Variants in PTPRJ observed in about 807,000 individuals in gnomAD.
PTPRJ encodes the protein receptor-type tyrosine-protein phosphatase eta.
In PTPRJ, 129 loss-of-function variants were observed where a neutral mutation model predicts 141.3. The observed-to-expected ratio is 0.91, with a 90% CI of 0.79 to 1.06. The LOEUF (loss-of-function observed/expected upper bound fraction) is 1.06. PTPRJ is among the 50% of genes least tolerant of loss of function. PTPRJ has a pLI of 0.00. For missense variants in PTPRJ, 1,601 were observed against 1,679.7 expected (o/e 0.95, Z 0.82); for synonymous variants, 610 against 640.5 (o/e 0.95, Z 0.72).
chr11:48,104,897 T>C (rs1193690637), intron 1 of PTPRJ, among the ~76,000 whole-genome samples: 1 of 152,152 alleles, frequency 6.6e-6, no homozygotes, highest in Non-Finnish European at 1.5e-5. Flanking sequence ...GGCTGAATCT[T>C]GACCTGGGGC....
intron 1 of PTPRJ, among the ~76,000 whole-genome samples, chr11:48,106,112 C>T (rs1179539639): frequency 1.3e-5 from 2 of 152,130 alleles, no homozygotes; most frequent in African/African-American, 4.8e-5. Flanking sequence ...TATTTTTTTA[C>T]TGTGGATTGA....
At chr11:48,113,363 A>G (rs1443075685) in intron 3 of PTPRJ, among the ~76,000 whole-genome samples, 1 of 152,220 alleles carries the variant, frequency 6.6e-6, no homozygotes, top group African/African-American at 2.4e-5. Flanking sequence ...TTTCTACAGG[A>G]CAGTTTTAAT....
chr11:48,157,854 T>C (rs1185974579), intron 21 of PTPRJ, among the ~76,000 whole-genome samples: 1 of 152,206 alleles, frequency 6.6e-6, no homozygotes, highest in Admixed American at 6.6e-5. Flanking sequence ...AAAGCGTTTT[T>C]AAAATGAATG....
At chr11:48,005,571 A>C (rs1175041345) in intron 1 of PTPRJ, among the ~76,000 whole-genome samples, 2 of 152,304 alleles carry the variant, frequency 1.3e-5, no homozygotes, top group East Asian at 3.9e-4. Flanking sequence ...TCACAGAGAG[A>C]TACCATGTTT....
At chr11:48,154,863 G>A (rs774911640) in intron 19 of PTPRJ, among the ~76,000 whole-genome samples, 4 of 152,116 alleles carry the variant, frequency 2.6e-5, no homozygotes, top group Admixed American at 6.6e-5. Context: ...TTTTGTGAAT[G>A]TCTGTGGAGA....
intron 12 of PTPRJ, among the ~76,000 whole-genome samples, chr11:48,143,882 C>T (rs1038997978): frequency 7.4e-5 from 11 of 148,644 alleles, no homozygotes; most frequent in Admixed American, 6.8e-4. Context: ...TTCCCTTCCC[C>T]TTCCCTCTTT....
chr11:48,142,490 ATGTATTTG>A (rs140397987), intron 11 of PTPRJ, among the ~76,000 whole-genome samples: 2,578 of 152,244 alleles, frequency 0.017, 77 homozygotes, highest in African/African-American at 0.059. Context: ...ATGTCTTTGC[ATGTATTTG>A]TGTATTTGTA....
At chr11:47,999,793 T>C (rs1428733830) in intron 1 of PTPRJ, among the ~76,000 whole-genome samples, 1 of 151,716 alleles carries the variant, frequency 6.6e-6, no homozygotes, top group African/African-American at 2.4e-5. Context: ...GAAGGAAAAC[T>C]AGGGGGGAAA....
chr11:48,049,285 G>T (rs1199918546), intron 1 of PTPRJ, among the ~76,000 whole-genome samples: 1 of 152,072 alleles, frequency 6.6e-6, no homozygotes, highest in Non-Finnish European at 1.5e-5. Flanking sequence ...TCCCCTGGGG[G>T]ACAAAATCTT....
At chr11:48,094,947 G>T (rs780337663) in intron 1 of PTPRJ, among the ~76,000 whole-genome samples, 1 of 152,146 alleles carries the variant, frequency 6.6e-6, no homozygotes, top group Non-Finnish European at 1.5e-5. Context: ...CAGCCCTGAG[G>T]GGGTGAGGGC....
intron 1 of PTPRJ, among the ~76,000 whole-genome samples, chr11:48,101,055 T>C (rs1390744341): frequency 6.6e-6 from 1 of 152,182 alleles, no homozygotes; most frequent in Non-Finnish European, 1.5e-5. Flanking sequence ...GATCCCGCTG[T>C]CCTCAAAGTT....
At chr11:48,019,256 T>TATA (rs1855040147) in intron 1 of PTPRJ, among the ~76,000 whole-genome samples, 1 of 152,134 alleles carries the variant, frequency 6.6e-6, no homozygotes, top group East Asian at 1.9e-4. Flanking sequence ...AAGAGGATTT[T>TATA]CAGTGACGAG....
intron 1 of PTPRJ, among the ~76,000 whole-genome samples, chr11:48,012,343 C>G (rs954384134): frequency 6.6e-6 from 1 of 152,120 alleles, no homozygotes; most frequent in African/African-American, 2.4e-5. Context: ...GTCAGAAGGT[C>G]TTATACCATA....
At position 48,112,932 on chromosome 11, in the gene PTPRJ, C is replaced by A. The variant is rs1856477600; in HGVS notation, c.301C>A (p.Gln101Lys). 1 of 1,614,052 alleles carries A rather than the reference C, an allele frequency of 6.2e-7. No individual in the cohort carries two copies. The highest frequency in any genetic ancestry group is 1.7e-5 in the Admixed American group (1 of 60,000). ...CAACGATAGTTTAAGAACACCTGAA[C>A]AAGGATCTAATGGGACTGATGGGGC... ...GANDSLRTPE[Q>K]GSNGTDGASQ... The change falls in exon 3 of 25, where the codon CAA (glutamine) becomes AAA (lysine). Residue 101 changes from glutamine (Q) to lysine (K), a missense_variant. By Grantham distance (53) the Gln-to-Lys change is moderately conservative. Coordinates refer to ENST00000418331, the MANE Select transcript of PTPRJ (RefSeq NM_002843.4).
chr11:48,092,807 A>G (rs1855906116), intron 1 of PTPRJ, among the ~76,000 whole-genome samples: 1 of 152,082 alleles, frequency 6.6e-6, no homozygotes, highest in South Asian at 2.1e-4. Context: ...AGCATATTTC[A>G]CTCAGCATAA....
At chr11:48,098,205 A>G (rs1364987771) in intron 1 of PTPRJ, among the ~76,000 whole-genome samples, 1 of 152,208 alleles carries the variant, frequency 6.6e-6, no homozygotes, top group South Asian at 2.1e-4. Context: ...TGAAAATCCC[A>G]TTAAAACTCC....
chr11:48,163,739 G>T, intron 23 of PTPRJ, 121 bp downstream of exon 23: 1 of 1,228,368 alleles, frequency 8.1e-7, no homozygotes, highest in African/African-American at 1.5e-5. Flanking sequence ...GGAAAGGTTT[G>T]GATAAGGAAC....
At chr11:48,114,923 A>G (rs900339910) in intron 3 of PTPRJ, among the ~76,000 whole-genome samples, 34 of 152,274 alleles carry the variant, frequency 2.2e-4, no homozygotes, top group African/African-American at 8.0e-4. Flanking sequence ...GAAAAATGTA[A>G]TAGAGAGCAC....
chr11:47,989,459 GACTT>G (rs1854135042), intron 1 of PTPRJ, among the ~76,000 whole-genome samples: 1 of 151,216 alleles, frequency 6.6e-6, no homozygotes, highest in Non-Finnish European at 1.5e-5. Flanking sequence ...GTAGAGATGG[GACTT>G]GTTCCTTAGG....
Sources: gnomAD v4.1 joint callset for allele counts (sites outside exome capture counted in the v4.1 genomes callset) on GRCh38, gnomAD v4.1.1 for gene constraint, MANE v1.5 for transcripts, NCBI Gene and HGNC (gene_info 2026-07-23, HGNC 2026-07-21) for gene names.